LIMK1: variants seen among roughly 807,000 people sequenced by gnomAD.
The protein encoded by LIMK1 is LIM motif-containing protein kinase.
Under a neutral mutation model 77.6 loss-of-function variants are expected in LIMK1, and 21 were observed. The observed-to-expected ratio is 0.27, with a 90% CI of 0.19 to 0.39. The LOEUF is 0.39. LIMK1 is among the 10% of genes least tolerant of loss of function. The pLI is 1.00. For synonymous variants in LIMK1, 358 were observed against 370.0 expected (o/e 0.97, Z 0.37); for missense variants, 696 against 901.6 (o/e 0.77, Z 2.92).
At chr7:74,095,825 G>T (rs1727845795) in intron 2 of LIMK1, among the ~76,000 whole-genome samples, 1 of 152,074 alleles carries the variant, frequency 6.6e-6, no homozygotes, top group African/African-American at 2.4e-5. Context: ...CTGTGTTGTG[G>T]CACCTACAGC....
intron 14 of LIMK1, 108 bp from the exon 15 acceptor site, chr7:74,120,784 C>A: frequency 6.4e-7 from 1 of 1,551,074 alleles, no homozygotes; most frequent in South Asian, 1.1e-5. Flanking sequence ...GTACTGCAGT[C>A]AGGCTGCAGC....
At position 74,106,212 on chromosome 7, in the gene LIMK1, G is replaced by A; in HGVS notation, c.850G>A (p.Ala284Thr). The A allele has an allele frequency of 6.2e-7, 1 of 1,613,648 alleles. No individual in the cohort carries two copies. The highest frequency in any genetic ancestry group is 2.2e-5 in the East Asian group (1 of 44,878). The change falls in exon 7 of 16, where the codon GCG becomes ACG. Residue 284 changes from alanine (A) to threonine (T), a missense_variant. Ala to Thr is a moderately conservative substitution (Grantham distance 58). Transcript: ENST00000336180. ...TCCGGCTTATACTCCCAGCGGGGAG[G>A]CGGGCAGCTCTGCCCGGCAGAAACC... ...SSPAYTPSGE[A>T]GSSARQKPVL...
At chr7:74,084,091 C>T (rs1172887657) in intron 1 of LIMK1, 46 bp downstream of exon 1, 2 of 1,132,950 alleles carry the variant, frequency 1.8e-6, no homozygotes, top group East Asian at 6.3e-5. Context: ...AGGGGGTGCC[C>T]GGGGCAGCGT....
At position 74,083,830 on chromosome 7, in the gene LIMK1, C is replaced by G. The variant is rs1799075422; in HGVS notation, c.-161C>G. 2 of 146,032 alleles carry G rather than the reference C, an allele frequency of 1.4e-5. No individual in the cohort carries two copies. The highest frequency in any genetic ancestry group is 1.9e-4 in the South Asian group (1 of 5,242). 9.0% of individuals were successfully genotyped at this position (146,032 alleles called of 1,614,324 possible). On this transcript the variant is annotated 5_prime_UTR_variant, in exon 1 of 16. Transcript: ENST00000336180. ...CTCGCTCCCCAAGCCGCCGCGGCGC[C>G]GAGCCGGTTTCCCCGCCGGTGTCCG...
chr7:74,109,094 C>T, intron 10 of LIMK1, 58 bp downstream of exon 10: 3 of 1,332,858 alleles, frequency 2.3e-6, no homozygotes, highest in Non-Finnish European at 3.2e-6. Flanking sequence ...AAGCAGCTCC[C>T]TCTGTGAGCC....
rs1234728683 is a variant in LIMK1 at position 74,093,181 on chromosome 7, G to A, written c.153-3441G>A. On this transcript the variant is annotated intron_variant, in intron 2 of 15. Coordinates refer to ENST00000336180, the MANE Select transcript of LIMK1 (RefSeq NM_002314.4). ...AATCCTGAGCCCCTGAGGGAGGATG[G>A]GGAAGCAGCTGGTCTGGCCACCCCT... 5 of 1,525,218 alleles carry A rather than the reference G, an allele frequency of 3.3e-6. No homozygotes were observed. The East Asian group carries it at 7.4e-5, about 23-fold the overall frequency. 94.5% of individuals were successfully genotyped at this position (1,525,218 alleles called of 1,614,324 possible). A position where few individuals can be genotyped will look rare whatever the true frequency, so the allele number is the denominator to read the frequency against.
intron 5 of LIMK1, among the ~76,000 whole-genome samples, chr7:74,100,894 C>T (rs1554696466): frequency 1.3e-5 from 2 of 151,926 alleles, no homozygotes; most frequent in African/African-American, 4.8e-5. Context: ...TGCCACCATG[C>T]CCGGCTAATT....
chr7:74,103,249 CTT>C (rs1233300842), intron 5 of LIMK1, among the ~76,000 whole-genome samples: 52 of 135,284 alleles, frequency 3.8e-4, no homozygotes, highest in Admixed American at 5.3e-4. Context: ...AATGTTTTTC[CTT>C]TTTTTTTTTT....
At chr7:74,111,531 T>TTGG (rs1799698426) in intron 10 of LIMK1, 117 bp from the exon 11 acceptor site, 1 of 780,110 alleles carries the variant, frequency 1.3e-6, no homozygotes, top group Non-Finnish European at 2.2e-6. Context: ...AATCGGGGTG[T>TTGG]TGGGGAGCCC....
At chr7:74,084,772 C>T (rs532790012) in intron 1 of LIMK1, among the ~76,000 whole-genome samples, 1 of 152,280 alleles carries the variant, frequency 6.6e-6, no homozygotes, top group East Asian at 1.9e-4. Context: ...AGGACTCCCC[C>T]AGCCTAGGAC....
Position 74,115,879 on chromosome 7 carries a change from G to A in LIMK1, c.1488G>A (p.Arg496=), listed in dbSNP as rs868918206. ...AGAAGACTCAGCCTGAGGGCCTGCG[G>A]AGCCTCAAGAAGCCAGACCGCAAGA... The part of the protein sequence containing the change: ...VDEKTQPEGL[R]SLKKPDRKKR... Residue 496 remains arginine, a synonymous_variant, in exon 13 of 16, where the codon CGG becomes CGA. Coordinates refer to ENST00000336180, the MANE Select transcript of LIMK1 (RefSeq NM_002314.4). The A allele has an allele frequency of 2.5e-6, 4 of 1,614,184 alleles. No homozygotes were observed. Among genetic ancestry groups the A allele is most frequent in the Middle Eastern group, 1.6e-4 (1 of 6,062 alleles).
intron 2 of LIMK1, chr7:74,092,983 C>T (rs1554694994): frequency 3.5e-6 from 2 of 576,500 alleles, no homozygotes; most frequent in East Asian, 6.8e-5. Flanking sequence ...GCCACAGGCT[C>T]CCTGCCTGGG....
chr7:74,106,122 C>G lies in LIMK1; in HGVS notation c.760C>G (p.Leu254Val). ...QETSRLLQLT[L>V]EHDPHDTLGH... is the part of the protein sequence containing the mutation. ...AACCAGCCGCCTGCTCCAGCTGACC[C>G]TCGAGCATGACCCTCACGATACACT... Residue 254 changes from leucine (L) to valine (V), a missense_variant, in exon 7 of 16, where the codon CTC (leucine) becomes GTC (valine). Physicochemically the swap from Leu to Val is conservative, Grantham distance 32. Transcript: ENST00000336180. 1.9e-6 allele frequency: 3 copies of G among 1,614,150 alleles called. No homozygotes were observed. The highest frequency in any genetic ancestry group is 2.5e-6 in the Non-Finnish European group (3 of 1,180,038).
At chr7:74,113,867 G>A (rs574103555) in intron 12 of LIMK1, among the ~76,000 whole-genome samples, 525 of 152,058 alleles carry the variant, frequency 3.5e-3, no homozygotes, top group Non-Finnish European at 5.9e-3. Context: ...TAGGTGGGAG[G>A]ATCCCTTGAG....
At chr7:74,100,149 A>G (rs1202690017) in intron 5 of LIMK1, among the ~76,000 whole-genome samples, 1 of 152,068 alleles carries the variant, frequency 6.6e-6, no homozygotes, top group Non-Finnish European at 1.5e-5. Context: ...CTGAGGCAGA[A>G]GGATCTCTTG....
chr7:74,106,135 C>T lies in LIMK1; in HGVS notation c.773C>T (p.Pro258Leu). The part of the protein sequence containing the change: ...RLLQLTLEHD[P>L]HDTLGHGLGP... ...CTCCAGCTGACCCTCGAGCATGACC[C>T]TCACGATACACTGGGCCACGGGCTG... Residue 258 changes from proline to leucine, a missense_variant, in exon 7 of 16, where the codon CCT becomes CTT. By Grantham distance (98) the Pro-to-Leu change is moderately conservative. Coordinates refer to ENST00000336180, the MANE Select transcript of LIMK1 (RefSeq NM_002314.4). The T allele has an allele frequency of 6.2e-7, 1 of 1,614,122 alleles. No individual in the cohort carries two copies. Among genetic ancestry groups the T allele is most frequent in the Non-Finnish European group, 8.5e-7 (1 of 1,180,038 alleles).
At chr7:74,108,868 C>T (rs1161167770) in intron 9 of LIMK1, 37 bp from the exon 10 acceptor site, 9 of 1,605,298 alleles carry the variant, frequency 5.6e-6, no homozygotes, top group Non-Finnish European at 7.7e-6. Context: ...GCTGGGACCA[C>T]ACAGAGCCCG....
chr7:74,096,792 G>C, intron 3 of LIMK1, 32 bp downstream of exon 3: 1 of 1,556,438 alleles, frequency 6.4e-7, no homozygotes, highest in Non-Finnish European at 8.7e-7. Context: ...CACTCACCTG[G>C]GGTGGGGGTA....
chr7:74,090,703 C>G (rs769396878), intron 2 of LIMK1, among the ~76,000 whole-genome samples: 4 of 152,156 alleles, frequency 2.6e-5, no homozygotes, highest in Non-Finnish European at 4.4e-5. Flanking sequence ...TGAAGGTGTT[C>G]GGGCAGGGGC....
Sources: allele counts gnomAD v4.1 joint callset (sites outside exome capture counted in the v4.1 genomes callset), GRCh38; gene constraint gnomAD v4.1.1; transcripts MANE v1.5; gene names NCBI Gene and HGNC (gene_info 2026-07-23, HGNC 2026-07-21).